COL13A1: variants seen among roughly 807,000 people sequenced by gnomAD.
COL13A1 encodes the protein collagen alpha-1(XIII) chain.
In COL13A1, 89 loss-of-function variants were observed where a neutral mutation model predicts 130.9. The ratio of observed to expected loss-of-function variants is 0.68; its 90% CI spans 0.57 to 0.81. COL13A1 has a LOEUF of 0.81. Among genes scored for constraint, COL13A1 ranks in the 30% least tolerant of loss-of-function variants. The pLI, the probability that COL13A1 is intolerant of heterozygous loss-of-function variation, is 0.00. For synonymous variants in COL13A1, 402 were observed against 341.6 expected, an observed-to-expected ratio of 1.18 and a Z score of -1.95; for missense variants, 879 against 934.6, an observed-to-expected ratio of 0.94 and a Z score of 0.78.
chr10:69,876,813 C>T (rs116831939), intron 5 of COL13A1, among the ~76,000 whole-genome samples: 2,492 of 152,316 alleles, frequency 0.016, 84 homozygotes, highest in African/African-American at 0.056. Flanking sequence ...GTGCCCAAGC[C>T]AACTGTGGGA....
intron 29 of COL13A1, 139 bp downstream of exon 29, chr10:69,930,226 G>A: frequency 9.4e-7 from 1 of 1,066,924 alleles, no homozygotes; most frequent in Non-Finnish European, 1.4e-6. Flanking sequence ...GGGGCAGGGA[G>A]AGGGGCCCAC....
At chr10:69,822,222 G>A in intron 1 of COL13A1, 147 bp from the exon 2 acceptor site, 1 of 534,618 alleles carries the variant, frequency 1.9e-6, no homozygotes, top group South Asian at 2.8e-5. Flanking sequence ...GGTGGCCAGT[G>A]GAAGGCCATT....
At chr10:69,827,652 A>C (rs1249930980) in intron 2 of COL13A1, among the ~76,000 whole-genome samples, 1 of 151,988 alleles carries the variant, frequency 6.6e-6, no homozygotes, top group Non-Finnish European at 1.5e-5. Context: ...ATAGGGCTTT[A>C]TTTTCTTATG....
chr10:69,852,144 C>T (rs1855041587), intron 2 of COL13A1, among the ~76,000 whole-genome samples: 1 of 152,146 alleles, frequency 6.6e-6, no homozygotes, highest in Admixed American at 6.5e-5. Context: ...ACTCCAACAC[C>T]ACCTCCTCAG....
At chr10:69,887,573 C>A in intron 8 of COL13A1, 82 bp downstream of exon 8, 3 of 1,441,608 alleles carry the variant, frequency 2.1e-6, no homozygotes, top group East Asian at 2.3e-5. Flanking sequence ...AGGTCAGCCC[C>A]GGTTCCACTC....
intron 2 of COL13A1, among the ~76,000 whole-genome samples, chr10:69,861,602 T>C (rs1858102558): frequency 6.6e-6 from 1 of 152,136 alleles, no homozygotes; most frequent in South Asian, 2.1e-4. Context: ...CCTGATTAGT[T>C]AGAAAAGGGT....
At chr10:69,885,360 A>G (rs1354863930) in intron 7 of COL13A1, among the ~76,000 whole-genome samples, 2 of 152,238 alleles carry the variant, frequency 1.3e-5, no homozygotes, top group Non-Finnish European at 2.9e-5. Context: ...AACATTGGTA[A>G]AGAAACAGGC....
intron 38 of COL13A1, among the ~76,000 whole-genome samples, chr10:69,950,034 T>G (rs1405216229): frequency 9.6e-6 from 1 of 104,652 alleles, no homozygotes; most frequent in African/African-American, 3.6e-5. Flanking sequence ...AAGTCCGTCT[T>G]GTCTCCTCAC....
chr10:69,934,568 G>A (rs182132393), intron 31 of COL13A1, among the ~76,000 whole-genome samples: 22 of 152,346 alleles, frequency 1.4e-4, no homozygotes, highest in Non-Finnish European at 2.1e-4. Context: ...AAGCCGAGGC[G>A]GGGTGAGCAG....
chr10:69,904,556 G>A (rs946976195), intron 15 of COL13A1, among the ~76,000 whole-genome samples: 2 of 152,202 alleles, frequency 1.3e-5, no homozygotes, highest in East Asian at 1.9e-4. Context: ...GGGCAAAACC[G>A]AGGCTTTGCT....
intron 2 of COL13A1, among the ~76,000 whole-genome samples, chr10:69,848,263 G>A (rs1014537573): frequency 4.6e-5 from 7 of 152,164 alleles, no homozygotes; most frequent in South Asian, 2.1e-4. Flanking sequence ...GCAAGCTACC[G>A]GCCTGAGCTG....
intron 5 of COL13A1, among the ~76,000 whole-genome samples, chr10:69,876,965 G>A (rs2059630523): frequency 6.6e-6 from 1 of 152,200 alleles, no homozygotes; most frequent in South Asian, 2.1e-4. Context: ...CTTGGGCCCT[G>A]TGGACACCTC....
Position 69,808,585 on chromosome 10 carries a change from G to A in COL13A1, c.294+5868G>A, listed in dbSNP as rs115360117. Among the ~76,000 whole-genome samples, 727 of 152,234 alleles carry A rather than the reference G, an allele frequency of 4.8e-3. 12 individuals are homozygous for A. Among genetic ancestry groups the A allele is most frequent in the African/African-American group, 0.017 (698 of 41,534 alleles). On this transcript the variant is annotated intron_variant, in intron 1 of 40. Transcript: ENST00000645393. ...AACAGCAACCCAGGCTGCCGCTCCCGTCCATTAGAGTCAGTGCACAAGAGG... is the reference window on the plus strand; with the variant it reads ...AACAGCAACCCAGGCTGCCGCTCCCATCCATTAGAGTCAGTGCACAAGAGG...
chr10:69,830,618 A>G lies in COL13A1; in HGVS notation c.364+8180A>G, dbSNP rs148944622. Among the ~76,000 whole-genome samples, 20 of 152,358 alleles carry G rather than the reference A, an allele frequency of 1.3e-4. No individual in the cohort carries two copies. In the East Asian group the frequency reaches 2.9e-3, roughly 22 times the overall value. On this transcript the variant is annotated intron_variant, in intron 2 of 40. Coordinates refer to ENST00000645393, the MANE Select transcript of COL13A1 (RefSeq NM_001368882.1). ...GATGGAAATGGTAAACATCAAATTCAGCAGGGAGGAGGGACTGGGTAGAGA... is the reference window on the plus strand; with the variant it reads ...GATGGAAATGGTAAACATCAAATTCGGCAGGGAGGAGGGACTGGGTAGAGA...
At chr10:69,819,179 G>T (rs1474836878) in intron 1 of COL13A1, among the ~76,000 whole-genome samples, 1 of 152,190 alleles carries the variant, frequency 6.6e-6, no homozygotes. Flanking sequence ...GGGTTTACTT[G>T]TTCAAGGCAA....
intron 2 of COL13A1, among the ~76,000 whole-genome samples, chr10:69,863,043 C>A (rs369594168): frequency 6.6e-6 from 1 of 152,162 alleles, no homozygotes; most frequent in Admixed American, 6.5e-5. Flanking sequence ...CGGGTAAGGG[C>A]GTGCGTCCTA....
intron 6 of COL13A1, among the ~76,000 whole-genome samples, chr10:69,878,333 T>C (rs529533816): frequency 3.1e-4 from 47 of 152,280 alleles, no homozygotes; most frequent in African/African-American, 1.0e-3. Flanking sequence ...TGAGGCCTCA[T>C]CGCTCTGGCC....
At chr10:69,804,430 C>T (rs1043075064) in intron 1 of COL13A1, among the ~76,000 whole-genome samples, 17 of 151,960 alleles carry the variant, frequency 1.1e-4, no homozygotes, top group Admixed American at 1.0e-3. Flanking sequence ...CTATTGTATC[C>T]GACATGCTCA....
intron 30 of COL13A1, among the ~76,000 whole-genome samples, chr10:69,931,863 A>G (rs1234301391): frequency 6.6e-6 from 1 of 152,216 alleles, no homozygotes; most frequent in East Asian, 1.9e-4. Context: ...ATTCAGGCAC[A>G]TCCTAGTTGG....
Sources: gnomAD v4.1 joint callset for allele counts (sites outside exome capture counted in the v4.1 genomes callset) on GRCh38, gnomAD v4.1.1 for gene constraint, MANE v1.5 for transcripts, NCBI Gene and HGNC (gene_info 2026-07-23, HGNC 2026-07-21) for gene names.